Variants in ST6GALNAC4 observed in about 807,000 individuals in gnomAD.
ST6GALNAC4 encodes the protein ST6 N-acetylgalactosaminide alpha-2,6-sialyltransferase 4.
Under a neutral mutation model 30.4 loss-of-function variants are expected in ST6GALNAC4, and 24 were observed. That is an observed-to-expected ratio of 0.79 (90% CI 0.57 to 1.11). The LOEUF (loss-of-function observed/expected upper bound fraction) is 1.11. Ranked by LOEUF, ST6GALNAC4 falls within the 50% of genes most tolerant of loss-of-function variation. The pLI is 0.00. For synonymous variants in ST6GALNAC4, 156 were observed against 179.7 expected (o/e 0.87, Z 1.05); for missense variants, 365 against 430.1 (o/e 0.85, Z 1.34).
chr9:127,909,363 T>A (rs1438103260), intron 5 of ST6GALNAC4, among the ~76,000 whole-genome samples: 2 of 148,960 alleles, frequency 1.3e-5, no homozygotes, highest in Non-Finnish European at 3.0e-5. Context: ...CACTCCAGCC[T>A]GGGCAACAAG....
intron 4 of ST6GALNAC4, 93 bp from the exon 5 acceptor site, chr9:127,910,151 G>A (rs908386935): frequency 9.8e-6 from 15 of 1,522,972 alleles, no homozygotes; most frequent in Non-Finnish European, 1.2e-5. Flanking sequence ...GCCAGCCCGG[G>A]GCTATGCACC....
chr9:127,912,834 G>A (rs1176272338), intron 3 of ST6GALNAC4, among the ~76,000 whole-genome samples, 154 bp from the exon 4 acceptor site: 9 of 152,184 alleles, frequency 5.9e-5, no homozygotes, highest in South Asian at 4.1e-4. Context: ...CAGCAGGGAT[G>A]ACTTTCCCGA....
intron 5 of ST6GALNAC4, among the ~76,000 whole-genome samples, chr9:127,909,220 T>C (rs1831012307): frequency 1.3e-5 from 2 of 151,998 alleles, no homozygotes; most frequent in Admixed American, 1.3e-4. Context: ...AAACCCCGTC[T>C]CTACTAAAAC....
At chr9:127,914,938 C>A in intron 2 of ST6GALNAC4, 97 bp from the exon 3 acceptor site, 1 of 1,187,224 alleles carries the variant, frequency 8.4e-7, no homozygotes, top group South Asian at 1.9e-5. Flanking sequence ...AGAGAAGCTC[C>A]TGGGTCTAGA....
chr9:127,912,678 C>T lies in ST6GALNAC4; in HGVS notation c.201G>A (p.Pro67=), dbSNP rs201472441. 11 of 1,566,978 alleles carry T rather than the reference C, an allele frequency of 7.0e-6. No individual in the cohort carries two copies. The South Asian group carries it at 7.9e-5, about 11-fold the overall frequency. The change falls in exon 4 of 6, where the codon CCG becomes CCA. Residue 67 remains proline (P), a splice_region_variant and synonymous_variant. Coordinates refer to ENST00000335791, the MANE Select transcript of ST6GALNAC4 (RefSeq NM_175039.4). ...SGYSSVPDGK[P]LVREPCRSCA... ...AGCTGCGGCAGGGCTCGCGGACCAG[C>T]GGCTGCAGGGCAGGCAGGGAGAAAG... is the stretch of plus-strand genomic sequence containing the variant.
chr9:127,912,255 GC>G lies in ST6GALNAC4; in HGVS notation c.611+12del. ...CTGCCAGAGAGACCCCAGCAGGCAGGCCCCAGGCTCACCGGTTCTTGCCCGT... is the reference window on the plus strand; with the variant it reads ...CTGCCAGAGAGACCCCAGCAGGCAGGCCCAGGCTCACCGGTTCTTGCCCGT... On this transcript the variant is annotated intron_variant, in intron 4 of 5. Transcript: ENST00000335791. 1 of 1,598,342 alleles carries G rather than the reference GC, an allele frequency of 6.3e-7. No individual in the cohort carries two copies. The highest frequency in any genetic ancestry group is 8.5e-7 in the Non-Finnish European group (1 of 1,170,730).
chr9:127,909,664 G>T (rs181406431), intron 5 of ST6GALNAC4, among the ~76,000 whole-genome samples: 71 of 151,902 alleles, frequency 4.7e-4, no homozygotes, highest in Non-Finnish European at 9.7e-4. Context: ...GTAAGATGTG[G>T]TTCTTTTCTC....
chr9:127,914,873 T>A (rs1718629942), intron 2 of ST6GALNAC4, 32 bp from the exon 3 acceptor site: 1 of 1,436,036 alleles, frequency 7.0e-7, no homozygotes, highest in Non-Finnish European at 9.2e-7. Flanking sequence ...GGGGGGTGTA[T>A]GTGGGGAGGG....
chr9:127,915,432 C>A (rs1445379959), intron 2 of ST6GALNAC4, among the ~76,000 whole-genome samples: 1 of 152,228 alleles, frequency 6.6e-6, no homozygotes, highest in Non-Finnish European at 1.5e-5. Flanking sequence ...AGTGGCTGTC[C>A]CCTGGTGATC....
At chr9:127,910,897 G>A (rs1020382988) in intron 4 of ST6GALNAC4, among the ~76,000 whole-genome samples, 2 of 152,210 alleles carry the variant, frequency 1.3e-5, no homozygotes, top group African/African-American at 2.4e-5. Flanking sequence ...GGTGACACCT[G>A]CTGCCAAGAC....
chr9:127,914,868 G>A (rs1409915053), intron 2 of ST6GALNAC4, 27 bp from the exon 3 acceptor site: 2 of 1,442,002 alleles, frequency 1.4e-6, no homozygotes, highest in Non-Finnish European at 1.8e-6. Flanking sequence ...CCATGGGGGG[G>A]TGTATGTGGG....
chr9:127,916,676 A>C (rs2131627996), intron 1 of ST6GALNAC4, 150 bp downstream of exon 1: 1 of 570,946 alleles, frequency 1.8e-6, no homozygotes, highest in Admixed American at 3.1e-5. Flanking sequence ...AGCAGGAATC[A>C]GCGACGTTTG....
intron 3 of ST6GALNAC4, among the ~76,000 whole-genome samples, chr9:127,913,501 C>G (rs2131623093): frequency 6.6e-6 from 1 of 152,312 alleles, no homozygotes; most frequent in South Asian, 2.1e-4. Context: ...AGAAGAATCC[C>G]TTGAACCTGG....
chr9:127,912,665 G>A lies in ST6GALNAC4; in HGVS notation c.214C>T (p.Pro72Ser). 1.9e-6 allele frequency: 3 copies of A among 1,577,686 alleles called. No homozygotes were observed. The highest frequency in any genetic ancestry group is 2.6e-6 in the Non-Finnish European group (3 of 1,163,238). ...GACACCACGGCACAGCTGCGGCAGGGCTCGCGGACCAGCGGCTGCAGGGCA... is the reference window on the plus strand; with the variant it reads ...GACACCACGGCACAGCTGCGGCAGGACTCGCGGACCAGCGGCTGCAGGGCA... ...VPDGKPLVRE[P>S]CRSCAVVSSS... The change falls in exon 4 of 6, where the codon CCC becomes TCC. Residue 72 changes from proline (P) to serine (S), a missense_variant. Transcript: ENST00000335791.
At position 127,914,393 on chromosome 9, in the gene ST6GALNAC4, C is replaced by CAA. The variant is rs35168848; in HGVS notation, c.198+261_198+262dup. Among the ~76,000 whole-genome samples, 249 of 101,232 alleles carry CAA rather than the reference C, an allele frequency of 2.5e-3. 7 individuals are homozygous for CAA. The highest frequency in any genetic ancestry group is 6.5e-3 in the South Asian group (20 of 3,074). 66.4% of individuals were successfully genotyped at this position (101,232 alleles called of 152,430 possible). Reference sequence around the variant, plus strand: ...GGGCAACAAGAGCAAAACTCCATCTCAAAAAAAAAAAAAAAAATCTCTTTT... The same window carrying CAA: ...GGGCAACAAGAGCAAAACTCCATCTCAAAAAAAAAAAAAAAAAAATCTCTTTT... On this transcript the variant is annotated intron_variant, in intron 3 of 5. Coordinates refer to ENST00000335791, the MANE Select transcript of ST6GALNAC4 (RefSeq NM_175039.4).
chr9:127,912,121 GCCC>G, intron 4 of ST6GALNAC4, 144 bp downstream of exon 4: 1 of 997,530 alleles, frequency 1.0e-6, no homozygotes, highest in East Asian at 2.6e-5. Context: ...TCTGCCTCCT[GCCC>G]CCCATTAGAG....
rs150135869 is a variant in ST6GALNAC4 at position 127,909,839 on chromosome 9, C to A, written c.719+112G>T. ...GGGTATCTGTGCTATGGTCACCCAC[C>A]ATGAAGCCCACACTCCCTCTGCCCC... is the stretch of plus-strand genomic sequence containing the variant. On this transcript the variant is annotated intron_variant, in intron 5 of 5. Coordinates refer to ENST00000335791, the MANE Select transcript of ST6GALNAC4 (RefSeq NM_175039.4). 3.2e-3 allele frequency: 3,333 copies of A among 1,048,340 alleles called. 7 individuals are homozygous for A. Among genetic ancestry groups the A allele is most frequent in the Non-Finnish European group, 4.0e-3 (2,873 of 714,702 alleles). The allele number at this position is 1,048,340 out of a possible 1,614,324, so 64.9% of individuals were successfully genotyped here.
chr9:127,908,500 C>T lies in ST6GALNAC4; in HGVS notation c.801G>A (p.Glu267=). 6.2e-7 allele frequency: 1 copy of T among 1,610,342 alleles called. No homozygotes were observed. The highest frequency in any genetic ancestry group is 8.5e-7 in the Non-Finnish European group (1 of 1,177,272). The change falls in exon 6 of 6, where the codon GAG becomes GAA. Residue 267 remains glutamate (E), a synonymous_variant. Coordinates refer to ENST00000335791, the MANE Select transcript of ST6GALNAC4 (RefSeq NM_175039.4). ...AGCGGTGGGCGCTTCGGGGCGCCTG[C>T]TCGTGTGCCAGGTACATCTGACACT... ...LDECQMYLAH[E]QAPRSAHRFI... is the part of the protein sequence containing the mutation.
rs149244569 is a variant in ST6GALNAC4 at position 127,914,796 on chromosome 9, C to T, written c.58G>A (p.Val20Ile). The T allele has an allele frequency of 2.0e-3, 3,118 of 1,586,876 alleles. 5 individuals are homozygous for T. The highest frequency in any genetic ancestry group is 2.4e-3 in the Non-Finnish European group (2,842 of 1,165,422). The part of the protein sequence containing the change: ...IILCSVVFSA[V>I]YILLCCWAGL... The stretch of plus-strand genomic sequence containing the variant: ...GCCCAGCAGCACAGGAGGATGTAGA[C>T]GGCAGAGAAGACCACGGAGCACAGG... Residue 20 changes from valine (V) to isoleucine (I), a missense_variant, in exon 3 of 6, where the codon GTC becomes ATC. Val to Ile is a conservative substitution (Grantham distance 29). Coordinates refer to ENST00000335791, the MANE Select transcript of ST6GALNAC4 (RefSeq NM_175039.4).
Sources: gnomAD v4.1 joint callset for allele counts (sites outside exome capture counted in the v4.1 genomes callset) on GRCh38, gnomAD v4.1.1 for gene constraint, MANE v1.5 for transcripts, NCBI Gene and HGNC (gene_info 2026-07-23, HGNC 2026-07-21) for gene names.